The following SLC26A8 variants were observed in gnomAD, a reference collection of about 807,000 sequenced individuals.
SLC26A8 encodes the protein testis anion transporter 1.
SLC26A8 carries 70 observed loss-of-function variants against 105.0 expected under a neutral mutation model. The observed-to-expected ratio is 0.67, with a 90% CI of 0.55 to 0.81. The LOEUF (loss-of-function observed/expected upper bound fraction) is 0.81, where lower values mean the gene tolerates loss of function less well. Ranked by LOEUF, SLC26A8 falls within the 40% of genes least tolerant of loss-of-function variation. SLC26A8 has a pLI of 0.00. For synonymous variants in SLC26A8, 415 were observed against 438.3 expected, an observed-to-expected ratio of 0.95 and a Z score of 0.66; for missense variants, 998 against 1,181.8, an observed-to-expected ratio of 0.84 and a Z score of 2.28.
Position 36,019,642 on chromosome 6 carries a change from T to G in SLC26A8, c.66A>C (p.Ala22=). ...TGTATACTTCACGCTTAACATCATATGCGAATGAGTTTCGCCTGGACTTAG... is the reference window on the plus strand; with the variant it reads ...TGTATACTTCACGCTTAACATCATAGGCGAATGAGTTTCGCCTGGACTTAG... The part of the protein sequence containing the change: ...FSSKSRRNSF[A]YDVKREVYNE... The change falls in exon 2 of 20, where the codon GCA becomes GCC. Residue 22 remains alanine, a synonymous_variant. Transcript: ENST00000490799. 1 of 1,614,200 alleles carries G rather than the reference T, an allele frequency of 6.2e-7. No individual in the cohort carries two copies. The highest frequency in any genetic ancestry group is 8.5e-7 in the Non-Finnish European group (1 of 1,180,024).
chr6:35,966,192 A>G (rs1772511888), intron 11 of SLC26A8, among the ~76,000 whole-genome samples: 1 of 152,164 alleles, frequency 6.6e-6, no homozygotes, highest in African/African-American at 2.4e-5. Context: ...GTTAGACACA[A>G]CAGGTCAGTA....
In SLC26A8 at chr6:35,981,015, GA is replaced by G. The variant is rs1201119056; in HGVS notation, c.1025+1105del. The stretch of plus-strand genomic sequence containing the variant: ...GACAGAGCAAGACTTGTCTCAAAAA[GA>G]AAAAAAAAAGCCTACATTTTGTGAT... On this transcript the variant is annotated intron_variant, in intron 8 of 19. Coordinates refer to ENST00000490799, the MANE Select transcript of SLC26A8 (RefSeq NM_052961.4). This position sits in a 1 kb window ranked among gnomAD's most constrained non-coding sequence, Gnocchi z 4.0. Among the ~76,000 whole-genome samples the G allele has an allele frequency of 6.3e-5, 9 of 143,688 alleles. No homozygotes were observed. The highest frequency in any genetic ancestry group is 1.3e-4 in the African/African-American group (5 of 39,218). 94.3% of individuals were successfully genotyped at this position (143,688 alleles called of 152,430 possible). A position where few individuals can be genotyped will look rare whatever the true frequency, so the allele number is the denominator to read the frequency against.
At chr6:36,023,505 C>G (rs1251575300) in intron 1 of SLC26A8, among the ~76,000 whole-genome samples, 1 of 144,940 alleles carries the variant, frequency 6.9e-6, no homozygotes, top group Non-Finnish European at 1.5e-5. Flanking sequence ...CGAGATCAAA[C>G]CACTGCATTC....
chr6:36,016,624 G>A (rs925733652), intron 2 of SLC26A8, among the ~76,000 whole-genome samples: 1 of 152,138 alleles, frequency 6.6e-6, no homozygotes, highest in African/African-American at 2.4e-5. Flanking sequence ...TTAGATAACT[G>A]TATTTCAATG....
intron 19 of SLC26A8, among the ~76,000 whole-genome samples, 176 bp from the exon 20 acceptor site, chr6:35,944,516 A>AATAATAATTATAATTATTAT (rs1015768558): frequency 1.1e-5 from 1 of 93,590 alleles, no homozygotes; most frequent in Non-Finnish European, 2.7e-5. Flanking sequence ...AACAAATAAT[A>AATAATAATTATAATTATTAT]ATAATAATTA....
chr6:36,010,817 G>T (rs1761835983), intron 3 of SLC26A8, among the ~76,000 whole-genome samples: 1 of 152,134 alleles, frequency 6.6e-6, no homozygotes, highest in Non-Finnish European at 1.5e-5. Context: ...GGGATTACAG[G>T]CATGAGCCAC....
intron 1 of SLC26A8, among the ~76,000 whole-genome samples, chr6:36,024,116 A>C (rs750727617): frequency 4.6e-5 from 7 of 152,156 alleles, no homozygotes; most frequent in Non-Finnish European, 8.8e-5. Flanking sequence ...CAAAATTAAC[A>C]AAAGCAGTGG....
intron 3 of SLC26A8, among the ~76,000 whole-genome samples, chr6:36,005,807 CA>C (rs1445750468): frequency 6.6e-6 from 1 of 152,156 alleles, no homozygotes; most frequent in Non-Finnish European, 1.5e-5. Context: ...TTTTAGCATC[CA>C]CTGGGTAGAT....
At chr6:35,982,032 A>G (rs1306703047) in intron 8 of SLC26A8, 89 bp downstream of exon 8, 1 of 1,342,322 alleles carries the variant, frequency 7.4e-7, no homozygotes, top group Admixed American at 1.8e-5. Flanking sequence ...AGAGACTGCT[A>G]GTAGAAAATA....
chr6:35,967,536 G>T (rs1434760835), intron 11 of SLC26A8, among the ~76,000 whole-genome samples: 1 of 152,202 alleles, frequency 6.6e-6, no homozygotes, highest in African/African-American at 2.4e-5. Context: ...AGGGAAGAAT[G>T]ACACATTTGT....
chr6:36,011,364 C>A (rs1761851707), intron 3 of SLC26A8, among the ~76,000 whole-genome samples: 1 of 152,218 alleles, frequency 6.6e-6, no homozygotes, highest in Admixed American at 6.5e-5. Context: ...ATTCTCTGAG[C>A]ATAGTGACTC....
chr6:35,968,563 T>C (rs1772613463), intron 11 of SLC26A8, among the ~76,000 whole-genome samples: 1 of 143,976 alleles, frequency 6.9e-6, no homozygotes, highest in African/African-American at 2.6e-5. Flanking sequence ...CATATAAATC[T>C]TATATATAAA....
intron 8 of SLC26A8, 125 bp from the exon 9 acceptor site, chr6:35,977,476 G>A: frequency 9.4e-7 from 1 of 1,063,686 alleles, no homozygotes; most frequent in Non-Finnish European, 1.3e-6. Flanking sequence ...ATAGGGACAA[G>A]CGGAGTGATT....
intron 11 of SLC26A8, among the ~76,000 whole-genome samples, chr6:35,966,978 T>G (rs759150371): frequency 6.6e-6 from 1 of 152,220 alleles, no homozygotes; most frequent in Non-Finnish European, 1.5e-5. Flanking sequence ...TTCATTTAGT[T>G]GTAAAGAAAA....
chr6:35,991,304 T>G (rs1040088887), intron 7 of SLC26A8, among the ~76,000 whole-genome samples: 1 of 150,450 alleles, frequency 6.6e-6, no homozygotes, highest in Non-Finnish European at 1.5e-5. Context: ...CTCAGGAGGC[T>G]GAGGCAAGAG....
At chr6:35,974,032 A>G (rs1772900965) in intron 10 of SLC26A8, among the ~76,000 whole-genome samples, 1 of 152,198 alleles carries the variant, frequency 6.6e-6, no homozygotes, top group Admixed American at 6.5e-5. Flanking sequence ...ACTCATGAAC[A>G]TTGGGCCGGG....
rs375466184 is a variant in SLC26A8 at position 36,009,383 on chromosome 6, C to CAACAACAACAACAACAACAACAAA, written c.328+2849_328+2850insTTTGTTGTTGTTGTTGTTGTTGTT. On this transcript the variant is annotated intron_variant, in intron 3 of 19. Coordinates refer to ENST00000490799, the MANE Select transcript of SLC26A8 (RefSeq NM_052961.4). ...ACAACAACAACAACAACAACAACAA[C>CAACAACAACAACAACAACAACAAA]AAACCTGCACATGAATGTTCATATC... 8.9e-4 allele frequency among the ~76,000 whole-genome samples: 133 copies of CAACAACAACAACAACAACAACAAA among 149,312 alleles called. 9 individuals carry two copies. Among genetic ancestry groups the CAACAACAACAACAACAACAACAAA allele is most frequent in the East Asian group, 6.9e-3 (35 of 5,092 alleles).
Position 35,943,726 on chromosome 6 carries a change from T to C in SLC26A8, c.*174A>G. The stretch of plus-strand genomic sequence containing the variant: ...TAATTGTTGGCATTTAGTAATGTGA[T>C]TTGGGAGTATGATCCCAGCGCAGAG... On this transcript the variant is annotated 3_prime_UTR_variant, in exon 20 of 20. Transcript: ENST00000490799. 2.3e-6 allele frequency: 2 copies of C among 873,960 alleles called. No individual in the cohort carries two copies. 54.1% of individuals were successfully genotyped at this position (873,960 alleles called of 1,614,324 possible).
At chr6:35,987,997 C>T (rs1251707306) in intron 7 of SLC26A8, among the ~76,000 whole-genome samples, 1 of 151,214 alleles carries the variant, frequency 6.6e-6, no homozygotes, top group African/African-American at 2.4e-5. Context: ...CTGCGACCTC[C>T]GCCTCCCGGG....
Sources: gnomAD v4.1 joint callset for allele counts (sites outside exome capture counted in the v4.1 genomes callset) on GRCh38, gnomAD v4.1.1 for gene constraint, Gnocchi (gnomAD v3.1) non-coding constraint, MANE v1.5 for transcripts, NCBI Gene and HGNC (gene_info 2026-07-23, HGNC 2026-07-21) for gene names.